WIPF1: variants seen among roughly 807,000 people sequenced by gnomAD.
The protein encoded by WIPF1 is WAS/WASL interacting protein family member 1.
Under a neutral mutation model 35.4 loss-of-function variants are expected in WIPF1, and 13 were observed. The observed-to-expected ratio is 0.37, with a 90% CI of 0.24 to 0.58. The LOEUF is 0.58. Ranked by LOEUF, WIPF1 falls within the 20% of genes least tolerant of loss-of-function variation. The pLI is 0.74. For synonymous variants in WIPF1, 267 were observed against 266.3 expected (o/e 1.00, Z -0.02); for missense variants, 591 against 667.0 (o/e 0.89, Z 1.25).
intron 1 of WIPF1, among the ~76,000 whole-genome samples, chr2:174,604,221 A>G (rs973594365): frequency 6.6e-6 from 1 of 152,224 alleles, no homozygotes; most frequent in Non-Finnish European, 1.5e-5. Flanking sequence ...AAATACTGTG[A>G]CAAAGAATCT....
At chr2:174,593,200 G>T (rs1685680648) in intron 1 of WIPF1, among the ~76,000 whole-genome samples, 1 of 151,558 alleles carries the variant, frequency 6.6e-6, no homozygotes, top group Non-Finnish European at 1.5e-5. Flanking sequence ...TGTCCTTCCA[G>T]CTTATAAGTA....
chr2:174,658,935 A>C (rs1298940680), intron 1 of WIPF1, among the ~76,000 whole-genome samples: 2 of 152,080 alleles, frequency 1.3e-5, no homozygotes, highest in African/African-American at 4.8e-5. Context: ...CACCTACCAG[A>C]TGTCCTCGGA....
At chr2:174,642,946 C>T (rs1040799184) in intron 1 of WIPF1, among the ~76,000 whole-genome samples, 3 of 149,322 alleles carry the variant, frequency 2.0e-5, no homozygotes, top group Admixed American at 2.0e-4. Flanking sequence ...ATTTTTAGTC[C>T]TATTCCACAC....
intron 2 of WIPF1, 104 bp downstream of exon 2, chr2:174,585,419 T>C: frequency 8.3e-7 from 1 of 1,210,934 alleles, no homozygotes; most frequent in Non-Finnish European, 1.2e-6. Flanking sequence ...GTATCACATG[T>C]GAGCCAGAAT....
At chr2:174,674,950 A>G (rs1420554898) in intron 1 of WIPF1, among the ~76,000 whole-genome samples, 1 of 145,322 alleles carries the variant, frequency 6.9e-6, no homozygotes, top group Non-Finnish European at 1.5e-5. Flanking sequence ...ACACACACAG[A>G]TGTTCCAGGA....
In WIPF1 at chr2:174,559,827, G is replaced by T. The variant is rs1045999148; in HGVS notation, c.*2720C>A. On this transcript the variant is annotated 3_prime_UTR_variant, in exon 8 of 8. Coordinates refer to ENST00000679041, the MANE Select transcript of WIPF1 (RefSeq NM_001375834.1). ...TTCTGCTACTAAAATAACAAAACTG[G>T]TATTACACTTTAAAATATAAAGACC... 2 of 152,376 alleles carry T rather than the reference G, an allele frequency of 1.3e-5. No individual in the cohort carries two copies. The highest frequency in any genetic ancestry group is 4.8e-5 in the African/African-American group (2 of 41,382). The allele number at this position is 152,376 out of a possible 1,614,324, so 9.4% of individuals were successfully genotyped here.
intron 1 of WIPF1, among the ~76,000 whole-genome samples, chr2:174,593,346 G>A (rs957631071): frequency 6.6e-6 from 1 of 152,092 alleles, no homozygotes; most frequent in Admixed American, 6.5e-5. Flanking sequence ...CTGAGAAAAG[G>A]TTTTTAAATT....
intron 1 of WIPF1, among the ~76,000 whole-genome samples, chr2:174,593,151 G>A (rs1209735295): frequency 6.6e-6 from 1 of 151,750 alleles, no homozygotes; most frequent in Non-Finnish European, 1.5e-5. Context: ...AAAGGGTTGG[G>A]GGTAATAACC....
In WIPF1 at chr2:174,572,192, G is replaced by T. The variant is rs150415094; in HGVS notation, c.613C>A (p.Pro205Thr). The T allele has an allele frequency of 6.2e-6, 10 of 1,614,048 alleles. No individual in the cohort carries two copies. The highest frequency in any genetic ancestry group is 8.5e-6 in the Non-Finnish European group (10 of 1,180,026). The change falls in exon 5 of 8, where the codon CCA (proline) becomes ACA (threonine). Residue 205 changes from proline to threonine, a missense_variant. By Grantham distance (38) the Pro-to-Thr change is conservative. Coordinates refer to ENST00000679041, the MANE Select transcript of WIPF1 (RefSeq NM_001375834.1). The part of the protein sequence containing the change: ...QSSPHNRGSP[P>T]VPGGPRQPSP... ...GGCTGCCTGGGGCCTCCGGGCACTG[G>T]TGGGGACCCCCGGTTGTGCGGACTT...
chr2:174,660,854 A>AAT (rs1447263213), intron 1 of WIPF1, among the ~76,000 whole-genome samples: 1 of 152,242 alleles, frequency 6.6e-6, no homozygotes, highest in Non-Finnish European at 1.5e-5. Flanking sequence ...GACTGAGTGC[A>AAT]ATACAAATAA....
At chr2:174,638,854 G>A (rs2105944804) in intron 1 of WIPF1, among the ~76,000 whole-genome samples, 1 of 152,292 alleles carries the variant, frequency 6.6e-6, no homozygotes. Context: ...ACGGAGGGCG[G>A]ATAACTCTTC....
At chr2:174,681,503 A>G (rs545655032) in intron 1 of WIPF1, among the ~76,000 whole-genome samples, 81 of 152,380 alleles carry the variant, frequency 5.3e-4, no homozygotes, top group African/African-American at 1.9e-3. Context: ...TATCCATTAC[A>G]AAAATAAGCA....
rs569466949 is a variant in WIPF1 at position 174,594,707 on chromosome 2, T to A, written c.-39+2894A>T. Reference sequence around the variant, plus strand: ...CTCTCTCTTTCTCTCTCTCTCTCTCTCACACACACATACACACACAGCATA... The same window carrying A: ...CTCTCTCTTTCTCTCTCTCTCTCTCACACACACACATACACACACAGCATA... On this transcript the variant is annotated intron_variant, in intron 1 of 7. Coordinates refer to ENST00000679041, the MANE Select transcript of WIPF1 (RefSeq NM_001375834.1). 7.0e-5 allele frequency among the ~76,000 whole-genome samples: 9 copies of A among 128,016 alleles called. 1 individual carries two copies. The highest frequency in any genetic ancestry group is 8.3e-5 in the African/African-American group (3 of 36,192). 84.0% of individuals were successfully genotyped at this position (128,016 alleles called of 152,430 possible). A position where few individuals can be genotyped will look rare whatever the true frequency, so the allele number is the denominator to read the frequency against.
chr2:174,575,865 G>A (rs573958404), intron 3 of WIPF1, among the ~76,000 whole-genome samples: 39 of 152,188 alleles, frequency 2.6e-4, no homozygotes, highest in African/African-American at 8.9e-4. Flanking sequence ...CAAAGAAAGA[G>A]GGTCGCAAGG....
chr2:174,629,268 G>A (rs1177024381), intron 1 of WIPF1, among the ~76,000 whole-genome samples: 1 of 152,144 alleles, frequency 6.6e-6, no homozygotes, highest in Admixed American at 6.5e-5. Flanking sequence ...TGATTCATCA[G>A]GATCTTATAA....
chr2:174,571,369 C>G lies in WIPF1; in HGVS notation c.1129+307G>C. ...CTCTCTAGGGAGGCAGGGTAGTGGA[C>G]TGGCAAGTACACTTCAGAGATGGAA... On this transcript the variant is annotated intron_variant, in intron 5 of 7. Coordinates refer to ENST00000679041, the MANE Select transcript of WIPF1 (RefSeq NM_001375834.1). The surrounding 1 kb of genome is among the most constrained non-coding windows in gnomAD (Gnocchi z 4.6). 1 of 579,022 alleles carries G rather than the reference C, an allele frequency of 1.7e-6. No homozygotes were observed. Among genetic ancestry groups the G allele is most frequent in the Non-Finnish European group, 3.1e-6 (1 of 327,680 alleles). The allele number at this position is 579,022 out of a possible 1,614,324, so 35.9% of individuals were successfully genotyped here. A position where few individuals can be genotyped will look rare whatever the true frequency, so the allele number is the denominator to read the frequency against.
chr2:174,609,438 A>G (rs1467787806), intron 1 of WIPF1, among the ~76,000 whole-genome samples: 1 of 152,186 alleles, frequency 6.6e-6, no homozygotes, highest in Admixed American at 6.5e-5. Flanking sequence ...GGACAATGTC[A>G]ATGGTGTTAC....
intron 1 of WIPF1, chr2:174,587,649 C>G (rs1361611256): frequency 6.6e-6 from 1 of 152,230 alleles, no homozygotes; most frequent in African/African-American, 2.4e-5. Flanking sequence ...GGATCCAGGG[C>G]TCTATCCTTG....
At chr2:174,634,951 T>C (rs1687141865) in intron 1 of WIPF1, among the ~76,000 whole-genome samples, 1 of 152,152 alleles carries the variant, frequency 6.6e-6, no homozygotes, top group Non-Finnish European at 1.5e-5. Flanking sequence ...TCTGCTGTCA[T>C]TAGGACAGCC....
Sources: gnomAD v4.1 joint callset for allele counts (sites outside exome capture counted in the v4.1 genomes callset) on GRCh38, gnomAD v4.1.1 for gene constraint, Gnocchi (gnomAD v3.1) non-coding constraint, MANE v1.5 for transcripts, NCBI Gene and HGNC (gene_info 2026-07-23, HGNC 2026-07-21) for gene names.